The following NGRN variants were observed in gnomAD, a reference collection of about 807,000 sequenced individuals.
NGRN encodes neugrin, neurite outgrowth associated, also known as neugrin.
Under a neutral mutation model 13.1 loss-of-function variants are expected in NGRN, and 12 were observed. That is an observed-to-expected ratio of 0.92 (90% confidence interval 0.59 to 1.49). NGRN has a LOEUF of 1.49. Among genes scored for constraint, NGRN ranks in the 40% most tolerant of loss-of-function variants. The probability of loss-of-function intolerance (pLI) is 0.00; values close to 1 mark genes in which losing one functional copy is unlikely to be tolerated. For missense variants in NGRN, 397 were observed against 357.0 expected, an observed-to-expected ratio of 1.11 and a Z score of -0.90; for synonymous variants, 149 against 145.8, an observed-to-expected ratio of 1.02 and a Z score of -0.16.
At chr15:90,267,799 G>C (rs1441379935) in intron 2 of NGRN, among the ~76,000 whole-genome samples, 1 of 152,236 alleles carries the variant, frequency 6.6e-6, no homozygotes, top group Non-Finnish European at 1.5e-5. Flanking sequence ...AAGTAAGGTT[G>C]CCAGGTCAAA....
chr15:90,270,424 T>C (rs1435669079), intron 2 of NGRN, among the ~76,000 whole-genome samples: 2 of 152,212 alleles, frequency 1.3e-5, no homozygotes, highest in Non-Finnish European at 2.9e-5. Context: ...TGCCAGCTTA[T>C]TACTCCTTTC....
chr15:90,268,942 T>TCC (rs1465949097), intron 2 of NGRN, among the ~76,000 whole-genome samples: 20 of 5,308 alleles, frequency 3.8e-3, no homozygotes, highest in East Asian at 9.3e-3. Flanking sequence ...AACTGCTTTC[T>TCC]CCCACCCCCC....
intron 2 of NGRN, among the ~76,000 whole-genome samples, chr15:90,270,289 G>C (rs1283274618): frequency 2.0e-5 from 3 of 152,194 alleles, no homozygotes; most frequent in African/African-American, 7.2e-5. Flanking sequence ...ACCCCTAAGT[G>C]TGATCTACTT....
intron 1 of NGRN, chr15:90,266,078 C>T: frequency 7.0e-7 from 1 of 1,422,836 alleles, no homozygotes; most frequent in Non-Finnish European, 9.1e-7. Context: ...ATTTCATCAT[C>T]AGTTTAGAGA....
chr15:90,271,485 G>A lies in NGRN; in HGVS notation c.573G>A (p.Leu191=). 6.2e-7 allele frequency: 1 copy of A among 1,614,094 alleles called. No homozygotes were observed. The highest frequency in any genetic ancestry group is 8.5e-7 in the Non-Finnish European group (1 of 1,180,036). ...SSKDPNHSTA[L]KVIESDTHRT... ...AAGACCCAAATCACAGCACAGCTTT[G>A]AAAGTGATAGAGTCAGACACTCACA... Residue 191 remains leucine (L), a synonymous_variant, in exon 3 of 3, where the codon TTG becomes TTA. Coordinates refer to ENST00000379095, the MANE Select transcript of NGRN (RefSeq NM_001033088.3).
chr15:90,265,721 TA>T lies in NGRN; in HGVS notation c.10del (p.Thr4ProfsTer2). 1.2e-6 allele frequency: 2 copies of T among 1,613,354 alleles called. No homozygotes were observed. The highest frequency in any genetic ancestry group is 1.7e-6 in the Non-Finnish European group (2 of 1,179,854). ...GGCTGGTTTGCGTCGACATGGCGGT[TA>T]CCCTGAGTCTCTTGCTGGGCGGGCG... MAVTLSLLLGGRVC... is the reference protein window; with the variant it reads MAVXLSLLLGGRVC... On this transcript the variant is annotated frameshift_variant, in exon 1 of 3. Coordinates refer to ENST00000379095, the MANE Select transcript of NGRN (RefSeq NM_001033088.3). LOFTEE classifies it high-confidence loss of function.
In NGRN at chr15:90,266,205, G is replaced by A. The variant is rs1963416745; in HGVS notation, c.165-83G>A. 3.9e-6 allele frequency: 6 copies of A among 1,522,276 alleles called. 1 individual carries two copies. In the South Asian group the frequency reaches 7.5e-5, roughly 19 times the overall value. 94.3% of individuals were successfully genotyped at this position (1,522,276 alleles called of 1,614,324 possible). On this transcript the variant is annotated intron_variant, in intron 1 of 2. Coordinates refer to ENST00000379095, the MANE Select transcript of NGRN (RefSeq NM_001033088.3). ...TTGCGATCAAAGAGAAGAGGGCTGG[G>A]CGCTCCATGATTTAGCCTGAGGCTC...
At chr15:90,269,302 G>A (rs1963473907) in intron 2 of NGRN, among the ~76,000 whole-genome samples, 2 of 150,830 alleles carry the variant, frequency 1.3e-5, no homozygotes, top group South Asian at 2.1e-4. Context: ...AGGCGGGCGT[G>A]AGCCACCATA....
intron 2 of NGRN, among the ~76,000 whole-genome samples, chr15:90,268,621 G>C (rs1214517637): frequency 6.6e-6 from 1 of 151,992 alleles, no homozygotes; most frequent in Non-Finnish European, 1.5e-5. Context: ...GTTCCCAGCT[G>C]GTTCCCAGGG....
chr15:90,270,609 A>G (rs1353147200), intron 2 of NGRN, among the ~76,000 whole-genome samples: 2 of 152,134 alleles, frequency 1.3e-5, no homozygotes, highest in Non-Finnish European at 2.9e-5. Flanking sequence ...AAACTATGTA[A>G]TGGGAAGGTC....
At position 90,271,203 on chromosome 15, in the gene NGRN, A is replaced by G. The variant is rs1184101678; in HGVS notation, c.291A>G (p.Glu97=). The part of the protein sequence containing the change: ...AMEQIRYLHE[E]FPESWSVPRL... Reference sequence around the variant, plus strand: ...CTTCCCGTAGGTATTTACATGAGGAATTTCCAGAGTCCTGGTCAGTTCCCA... The same window carrying G: ...CTTCCCGTAGGTATTTACATGAGGAGTTTCCAGAGTCCTGGTCAGTTCCCA... The change falls in exon 3 of 3, where the codon GAA becomes GAG. Residue 97 remains glutamate, a synonymous_variant. Coordinates refer to ENST00000379095, the MANE Select transcript of NGRN (RefSeq NM_001033088.3). 5 of 1,610,772 alleles carry G rather than the reference A, an allele frequency of 3.1e-6. No individual in the cohort carries two copies. In the East Asian group the frequency reaches 1.1e-4, roughly 36 times the overall value.
chr15:90,271,672 A>C lies in NGRN; in HGVS notation c.760A>C (p.Ser254Arg). ...AGGAACTGGCAGTGGTGCGTTGCCA[A>C]GTGGTCAGAAGCTGGAGGAGTTGAA... ...PRGTGSGALP[S>R]GQKLEELKAE... is the part of the protein sequence containing the mutation. Residue 254 changes from serine (S) to arginine (R), a missense_variant, in exon 3 of 3, where the codon AGT becomes CGT. Ser to Arg is a moderately radical substitution (Grantham distance 110, BLOSUM62 -1). Transcript: ENST00000379095. 1 of 1,614,214 alleles carries C rather than the reference A, an allele frequency of 6.2e-7. No homozygotes were observed.
At chr15:90,267,787 A>G (rs999824097) in intron 2 of NGRN, among the ~76,000 whole-genome samples, 2 of 152,264 alleles carry the variant, frequency 1.3e-5, no homozygotes, top group African/African-American at 4.8e-5. Flanking sequence ...ATACATTCCC[A>G]GAAGTAAGGT....
At chr15:90,270,708 G>C (rs1261629786) in intron 2 of NGRN, among the ~76,000 whole-genome samples, 1 of 152,242 alleles carries the variant, frequency 6.6e-6, no homozygotes, top group African/African-American at 2.4e-5. Context: ...CTGACTGACA[G>C]TGGTCAGGTG....
intron 1 of NGRN, 118 bp from the exon 2 acceptor site, chr15:90,266,170 C>G (rs576156575): frequency 1.4e-6 from 2 of 1,478,596 alleles, no homozygotes; most frequent in African/African-American, 2.8e-5. Context: ...GCAACATGGC[C>G]CGGTTGCCCT....
At chr15:90,268,484 T>C (rs16944106) in intron 2 of NGRN, among the ~76,000 whole-genome samples, 9,862 of 152,024 alleles carry the variant, frequency 0.065, 1,063 homozygotes, top group African/African-American at 0.22. Context: ...CTACTCCCAT[T>C]TCAGAGGAAA....
chr15:90,265,783 C>A lies in NGRN; in HGVS notation c.71C>A (p.Thr24Asn). ...GCCGTCACTCGCTGTGGGTTCGCGA[C>A]CCGGGGGGTGGCGGGCCCAGGCCCT... ...CAAVTRCGFA[T>N]RGVAGPGPIG... Residue 24 changes from threonine to asparagine, a missense_variant, in exon 1 of 3, where the codon ACC becomes AAC. By Grantham distance (65) the Thr-to-Asn change is moderately conservative (BLOSUM62 0). Transcript: ENST00000379095. 4 of 1,612,932 alleles carry A rather than the reference C, an allele frequency of 2.5e-6. No individual in the cohort carries two copies. Among genetic ancestry groups the A allele is most frequent in the Non-Finnish European group, 3.4e-6 (4 of 1,179,706 alleles).
rs1567083520 is a variant in NGRN at position 90,271,415 on chromosome 15, CTG to C, written c.505_506del (p.Val169IlefsTer10). On this transcript the variant is annotated frameshift_variant, in exon 3 of 3. Coordinates refer to ENST00000379095, the MANE Select transcript of NGRN (RefSeq NM_001033088.3). LOFTEE classifies it low-confidence loss of function (END_TRUNC). ...TCAAAGCTGCTCCCTGCAGGCCACT[CTG>C]TATCAGGCTCTTTGCTTATGCCAGG... The C allele has an allele frequency of 6.2e-7, 1 of 1,614,068 alleles. No homozygotes were observed. The highest frequency in any genetic ancestry group is 1.7e-5 in the Admixed American group (1 of 60,012).
chr15:90,272,034 C>T lies in NGRN; in HGVS notation c.*246C>T. 1 of 493,304 alleles carries T rather than the reference C, an allele frequency of 2.0e-6. No individual in the cohort carries two copies. The highest frequency in any genetic ancestry group is 3.6e-6 in the Non-Finnish European group (1 of 279,366). The allele number at this position is 493,304 out of a possible 1,614,324, so 30.6% of individuals were successfully genotyped here. On this transcript the variant is annotated 3_prime_UTR_variant, in exon 3 of 3. Coordinates refer to ENST00000379095, the MANE Select transcript of NGRN (RefSeq NM_001033088.3). ...CTTAGGCTCTCTGTGTGTTGAAAGC[C>T]ATCCCGTGTTGCATGTGTTGTTACA...
Sources: allele counts gnomAD v4.1 joint callset (sites outside exome capture counted in the v4.1 genomes callset), GRCh38; gene constraint gnomAD v4.1.1; transcripts MANE v1.5; gene names NCBI Gene and HGNC (gene_info 2026-07-23, HGNC 2026-07-21).